ST8SIA1: variants seen among roughly 807,000 people sequenced by gnomAD.
ST8SIA1 encodes the protein alpha-N-acetylneuraminide alpha-2,8-sialyltransferase.
Under a neutral mutation model 35.9 loss-of-function variants are expected in ST8SIA1, and 16 were observed. That is an observed-to-expected ratio of 0.45 (90% confidence interval 0.30 to 0.68). ST8SIA1 has a LOEUF of 0.68. Among genes scored for constraint, ST8SIA1 ranks in the 30% least tolerant of loss-of-function variants. The pLI is 0.09. For synonymous variants in ST8SIA1, 170 were observed against 169.6 expected, an observed-to-expected ratio of 1.00 and a Z score of -0.02; for missense variants, 383 against 453.6, an observed-to-expected ratio of 0.84 and a Z score of 1.41.
At chr12:22,331,617 C>T (rs1315227406) in intron 1 of ST8SIA1, among the ~76,000 whole-genome samples, 1 of 152,146 alleles carries the variant, frequency 6.6e-6, no homozygotes, top group African/African-American at 2.4e-5. Context: ...ACTGACTGGT[C>T]TAATATTTAA....
chr12:22,307,732 C>G (rs562966454), intron 1 of ST8SIA1, among the ~76,000 whole-genome samples: 1 of 152,226 alleles, frequency 6.6e-6, no homozygotes, highest in East Asian at 1.9e-4. Flanking sequence ...TTGTTGATGT[C>G]TTTTGTCTGC....
intron 1 of ST8SIA1, among the ~76,000 whole-genome samples, chr12:22,331,059 C>T (rs936142680): frequency 6.6e-6 from 1 of 152,204 alleles, no homozygotes; most frequent in African/African-American, 2.4e-5. Flanking sequence ...ATCTCCTTCG[C>T]AGTTTGACAA....
At chr12:22,229,977 C>T (rs1865399601) in intron 4 of ST8SIA1, among the ~76,000 whole-genome samples, 1 of 152,152 alleles carries the variant, frequency 6.6e-6, no homozygotes, top group African/African-American at 2.4e-5. Flanking sequence ...GAAAGAATAT[C>T]AAGAATGCAG....
Position 22,201,545 on chromosome 12 carries a change from A to C in ST8SIA1, c.*7T>G, listed in dbSNP as rs1414402853. 1 of 1,592,730 alleles carries C rather than the reference A, an allele frequency of 6.3e-7. No homozygotes were observed. Among genetic ancestry groups the C allele is most frequent in the African/African-American group, 1.3e-5 (1 of 74,250 alleles). ...CCCTGGTTCAGTCCTTTCTTCTTCC[A>C]TTGTTCCTAGGAAGTGGGCTGGAGT... On this transcript the variant is annotated 3_prime_UTR_variant, in exon 5 of 5. Coordinates refer to ENST00000396037, the MANE Select transcript of ST8SIA1 (RefSeq NM_003034.4).
intron 1 of ST8SIA1, among the ~76,000 whole-genome samples, chr12:22,301,861 A>G (rs1005304282): frequency 6.6e-6 from 1 of 152,020 alleles, no homozygotes; most frequent in Non-Finnish European, 1.5e-5. Flanking sequence ...AATTCATCCA[A>G]CTCATAGGTA....
chr12:22,201,480 C>T lies in ST8SIA1; in HGVS notation c.*72G>A. On this transcript the variant is annotated 3_prime_UTR_variant, in exon 5 of 5. Transcript: ENST00000396037. The stretch of plus-strand genomic sequence containing the variant: ...ATGCAAACTCATGAAACAACTTGAC[C>T]ATTCCCTCTTGGAGTCACATAGAAA... 6.6e-7 allele frequency: 1 copy of T among 1,509,990 alleles called. No individual in the cohort carries two copies. The highest frequency in any genetic ancestry group is 1.4e-5 in the South Asian group (1 of 72,534). 93.5% of individuals were successfully genotyped at this position (1,509,990 alleles called of 1,614,324 possible).
At chr12:22,204,367 A>G (rs1232629103) in intron 4 of ST8SIA1, among the ~76,000 whole-genome samples, 1 of 152,202 alleles carries the variant, frequency 6.6e-6, no homozygotes, top group Non-Finnish European at 1.5e-5. Context: ...GCAGGTTAGA[A>G]CTAAAAAACT....
chr12:22,209,683 A>G (rs10841978), intron 4 of ST8SIA1, among the ~76,000 whole-genome samples: 66,135 of 151,908 alleles, frequency 0.44, 14,672 homozygotes, highest in East Asian at 0.6. Context: ...TCTTGGCTCA[A>G]ATGAAAGCTC....
chr12:22,258,865 C>A (rs969416428), intron 2 of ST8SIA1, among the ~76,000 whole-genome samples: 2 of 152,184 alleles, frequency 1.3e-5, no homozygotes, highest in African/African-American at 2.4e-5. Flanking sequence ...ATCTTGGAAG[C>A]AGCAACATAG....
intron 1 of ST8SIA1, among the ~76,000 whole-genome samples, chr12:22,288,824 C>G (rs1866138483): frequency 1.3e-5 from 2 of 152,186 alleles, no homozygotes; most frequent in Non-Finnish European, 2.9e-5. Context: ...CACCCTCATT[C>G]ATTTTTATTG....
chr12:22,245,055 T>C (rs1865584772), intron 4 of ST8SIA1, among the ~76,000 whole-genome samples: 1 of 152,186 alleles, frequency 6.6e-6, no homozygotes, highest in Non-Finnish European at 1.5e-5. Flanking sequence ...TTTTAATAAG[T>C]CTTAACATCT....
rs74706849 is a variant in ST8SIA1, at chr12:22,212,803, T to C, written c.585-10765A>G. Among the ~76,000 whole-genome samples, 557 of 152,242 alleles carry C rather than the reference T, an allele frequency of 3.7e-3. 8 individuals are homozygous for C. The highest frequency in any genetic ancestry group is 0.012 in the African/African-American group (478 of 41,536). The stretch of plus-strand genomic sequence containing the variant: ...TGACACCATCTTTGTAAGACTACAG[T>C]GGGGCCTCAATTCTGCTAAGAGGTA... On this transcript the variant is annotated intron_variant, in intron 4 of 4. Transcript: ENST00000396037.
intron 1 of ST8SIA1, among the ~76,000 whole-genome samples, chr12:22,293,338 G>C (rs1187454226): frequency 6.6e-6 from 1 of 152,166 alleles, no homozygotes; most frequent in Non-Finnish European, 1.5e-5. Flanking sequence ...GAAAATGTTT[G>C]GTAAGGTTTC....
chr12:22,242,258 G>A (rs546754765), intron 4 of ST8SIA1, among the ~76,000 whole-genome samples: 2 of 152,148 alleles, frequency 1.3e-5, no homozygotes, highest in South Asian at 4.2e-4. Flanking sequence ...CCTGAGAAGT[G>A]GGTTTATATT....
chr12:22,288,707 C>T (rs1037094747), intron 1 of ST8SIA1, among the ~76,000 whole-genome samples: 6 of 152,090 alleles, frequency 3.9e-5, no homozygotes, highest in African/African-American at 4.8e-5. Context: ...GAGAAGAGCT[C>T]GGGAAGAAAG....
intron 3 of ST8SIA1, among the ~76,000 whole-genome samples, chr12:22,252,389 A>C (rs1865681945): frequency 6.6e-6 from 1 of 152,214 alleles, no homozygotes; most frequent in Admixed American, 6.5e-5. Flanking sequence ...CATGCCCCAA[A>C]ATGCATATTA....
At chr12:22,295,086 A>AG (rs1346551615) in intron 1 of ST8SIA1, among the ~76,000 whole-genome samples, 1 of 152,288 alleles carries the variant, frequency 6.6e-6, no homozygotes, top group South Asian at 2.1e-4. Context: ...GGGCAGAGGT[A>AG]GGGGGGACAC....
At chr12:22,296,423 T>C (rs2135822122) in intron 1 of ST8SIA1, among the ~76,000 whole-genome samples, 1 of 152,286 alleles carries the variant, frequency 6.6e-6, no homozygotes, top group Non-Finnish European at 1.5e-5. Flanking sequence ...GTTTCTCTCC[T>C]GGACATATTT....
chr12:22,221,880 C>T lies in ST8SIA1; in HGVS notation c.585-19842G>A, dbSNP rs531730961. 9.9e-5 allele frequency among the ~76,000 whole-genome samples: 15 copies of T among 152,180 alleles called. No homozygotes were observed. In the South Asian group the frequency reaches 2.1e-3, roughly 21 times the overall value. On this transcript the variant is annotated intron_variant, in intron 4 of 4. Coordinates refer to ENST00000396037, the MANE Select transcript of ST8SIA1 (RefSeq NM_003034.4). ...CTAGCCTAAAAAGTATTTTGAATAA[C>T]GAATTGCATATGTTACATGTATATA...
Sources: gnomAD v4.1 joint callset for allele counts (sites outside exome capture counted in the v4.1 genomes callset) on GRCh38, gnomAD v4.1.1 for gene constraint, MANE v1.5 for transcripts, NCBI Gene and HGNC (gene_info 2026-07-23, HGNC 2026-07-21) for gene names.